The following ALPK2 variants were observed in gnomAD, a reference collection of about 807,000 sequenced individuals.
The protein encoded by ALPK2 is alpha-protein kinase 2.
In ALPK2, 127 loss-of-function variants were observed where a neutral mutation model predicts 163.1. That is an observed-to-expected ratio of 0.78 (90% CI 0.67 to 0.90). The LOEUF (loss-of-function observed/expected upper bound fraction) is 0.90, where lower values mean the gene tolerates loss of function less well. Among genes scored for constraint, ALPK2 ranks in the 40% least tolerant of loss-of-function variants. The probability of loss-of-function intolerance (pLI) is 0.00; values close to 1 mark genes in which losing one functional copy is unlikely to be tolerated. For missense variants in ALPK2, 2,360 were observed against 2,589.6 expected (o/e 0.91, Z 1.92); for synonymous variants, 953 against 959.1 (o/e 0.99, Z 0.12).
Position 58,595,083 on chromosome 18 carries a change from C to T in ALPK2, c.227+12239G>A, listed in dbSNP as rs200964399. On this transcript the variant is annotated intron_variant, in intron 3 of 12. Coordinates refer to ENST00000361673, the MANE Select transcript of ALPK2 (RefSeq NM_052947.4). ...CCATGGCCTACAAGCAATGAGCTGA[C>T]GTGGGAGTCACAGAAGGTGAAGAGA... Among the ~76,000 whole-genome samples the T allele has an allele frequency of 7.9e-5, 12 of 152,284 alleles. No individual in the cohort carries two copies. In the East Asian group the frequency reaches 1.2e-3, roughly 15 times the overall value.
intron 12 of ALPK2, among the ~76,000 whole-genome samples, chr18:58,487,426 G>C (rs2051345250): frequency 6.6e-6 from 1 of 152,148 alleles, no homozygotes; most frequent in Admixed American, 6.5e-5. Context: ...CCAACCCCTT[G>C]ATTTCAGTCT....
At chr18:58,615,492 G>T (rs577317726) in intron 1 of ALPK2, among the ~76,000 whole-genome samples, 1 of 152,190 alleles carries the variant, frequency 6.6e-6, no homozygotes, top group Non-Finnish European at 1.5e-5. Flanking sequence ...AATGATAATA[G>T]TCTAAGGATT....
intron 4 of ALPK2, among the ~76,000 whole-genome samples, chr18:58,540,453 T>C (rs1035418345): frequency 1.3e-5 from 2 of 152,218 alleles, no homozygotes; most frequent in Non-Finnish European, 1.5e-5. Flanking sequence ...AGGGATAAGG[T>C]ATTTTTTTAA....
intron 9 of ALPK2, among the ~76,000 whole-genome samples, chr18:58,516,394 C>A (rs182251428): frequency 6.0e-4 from 91 of 152,286 alleles, no homozygotes; most frequent in South Asian, 1.2e-3. Context: ...TGTCTCTCTT[C>A]CTATATTTTA....
At chr18:58,547,101 CAG>C (rs932697955) in intron 4 of ALPK2, among the ~76,000 whole-genome samples, 10 of 143,154 alleles carry the variant, frequency 7.0e-5, no homozygotes, top group African/African-American at 2.6e-4. Context: ...CCAGGTCTCT[CAG>C]AGTCTTTCTT....
At chr18:58,588,988 G>T (rs1025936146) in intron 3 of ALPK2, among the ~76,000 whole-genome samples, 1 of 152,092 alleles carries the variant, frequency 6.6e-6, no homozygotes, top group African/African-American at 2.4e-5. Context: ...ATATTTTTAG[G>T]ATAACAGTTT....
intron 9 of ALPK2, among the ~76,000 whole-genome samples, chr18:58,515,343 G>T (rs1315937356): frequency 6.6e-6 from 1 of 152,184 alleles, no homozygotes; most frequent in Non-Finnish European, 1.5e-5. Flanking sequence ...AAAATTTCTC[G>T]AGCCGGCAGG....
rs371052854 is a variant in ALPK2 at position 58,536,927 on chromosome 18, A to T, written c.3260T>A (p.Leu1087Gln). ...PSVPGVPHHVLQLPEGEGFCS... is the reference protein window; with the variant it reads ...PSVPGVPHHVQQLPEGEGFCS... ...GAAACCCTCTCCCTCTGGGAGCTGC[A>T]GGACATGGTGTGGGACTCCTGGCAC... The change falls in exon 5 of 13, where the codon CTG becomes CAG. Residue 1087 changes from leucine (L) to glutamine (Q), a missense_variant. Physicochemically the swap from Leu to Gln is moderately radical, Grantham distance 113. Transcript: ENST00000361673. 1 of 1,614,236 alleles carries T rather than the reference A, an allele frequency of 6.2e-7. No homozygotes were observed. The highest frequency in any genetic ancestry group is 2.2e-5 in the East Asian group (1 of 44,886).
intron 12 of ALPK2, among the ~76,000 whole-genome samples, chr18:58,486,156 C>T (rs1193250750): frequency 6.6e-6 from 1 of 152,238 alleles, no homozygotes; most frequent in Non-Finnish European, 1.5e-5. Context: ...TTTCAGGAAT[C>T]TGCCTCCTTC....
At chr18:58,565,193 A>T (rs2144180892) in intron 4 of ALPK2, among the ~76,000 whole-genome samples, 1 of 152,334 alleles carries the variant, frequency 6.6e-6, no homozygotes. Flanking sequence ...ACGTTTCCTT[A>T]GAAATAATTC....
Position 58,561,685 on chromosome 18 carries a change from C to T in ALPK2, c.1962+17129G>A, listed in dbSNP as rs79774792. ...AATCGTGTGATGAATGTCTTAGACT[C>T]ACTCCACAGGAAGCTACGGAGTCTG... On this transcript the variant is annotated intron_variant, in intron 4 of 12. Transcript: ENST00000361673. Among the ~76,000 whole-genome samples, 758 of 152,316 alleles carry T rather than the reference C, an allele frequency of 5.0e-3. 5 individuals carry two copies. Among genetic ancestry groups the T allele is most frequent in the African/African-American group, 0.017 (702 of 41,554 alleles).
At position 58,534,858 on chromosome 18, in the gene ALPK2, G is replaced by T. The variant is rs1183636901; in HGVS notation, c.5329C>A (p.Pro1777Thr). Residue 1777 changes from proline to threonine, a missense_variant, in exon 5 of 13, where the codon CCA becomes ACA. Coordinates refer to ENST00000361673, the MANE Select transcript of ALPK2 (RefSeq NM_052947.4). ...CCTCTTCCTTCTCTTTTGCAAGATG[G>T]CTTTTTTGGGTCTTGTTTCTCTTCT... ...HTEEKQDPKK[P>T]SCKREGRAPV... The T allele has an allele frequency of 1.6e-5, 25 of 1,609,414 alleles. No individual in the cohort carries two copies. The highest frequency in any genetic ancestry group is 2.1e-5 in the Non-Finnish European group (25 of 1,178,446).
chr18:58,597,690 G>A (rs1481039327), intron 3 of ALPK2, among the ~76,000 whole-genome samples: 2 of 152,178 alleles, frequency 1.3e-5, no homozygotes, highest in Non-Finnish European at 2.9e-5. Flanking sequence ...GTCTGGCCCT[G>A]TATATAGCCA....
intron 10 of ALPK2, among the ~76,000 whole-genome samples, chr18:58,508,204 A>G (rs1038871796): frequency 6.6e-5 from 10 of 152,150 alleles, no homozygotes; most frequent in Admixed American, 2.0e-4. Flanking sequence ...AGCCCCCTGC[A>G]TTCTAAACTA....
At chr18:58,532,821 C>T (rs1341548055) in intron 5 of ALPK2, among the ~76,000 whole-genome samples, 1 of 152,114 alleles carries the variant, frequency 6.6e-6, no homozygotes, top group Non-Finnish European at 1.5e-5. Context: ...AAGTGAGGCA[C>T]CCAGAGGCTA....
chr18:58,572,610 C>A (rs559268238), intron 4 of ALPK2, among the ~76,000 whole-genome samples: 20 of 152,068 alleles, frequency 1.3e-4, no homozygotes, highest in Non-Finnish European at 2.8e-4. Flanking sequence ...GAAAAAAAAA[C>A]TCAAAAACTT....
intron 12 of ALPK2, among the ~76,000 whole-genome samples, chr18:58,490,835 A>G (rs1486682764): frequency 6.6e-6 from 1 of 152,192 alleles, no homozygotes; most frequent in Non-Finnish European, 1.5e-5. Flanking sequence ...CCCGAAGAAG[A>G]GAGCTCAGAG....
chr18:58,569,958 G>A (rs1289526383), intron 4 of ALPK2, among the ~76,000 whole-genome samples: 2 of 151,986 alleles, frequency 1.3e-5, no homozygotes, highest in Non-Finnish European at 2.9e-5. Context: ...GTGAAACCCC[G>A]TCTCTACTAA....
intron 4 of ALPK2, among the ~76,000 whole-genome samples, chr18:58,556,489 G>A (rs923028009): frequency 2.6e-5 from 4 of 152,064 alleles, no homozygotes; most frequent in Admixed American, 1.3e-4. Context: ...TGAGCCAGCC[G>A]CTGCAAAGTG....
Sources: gnomAD v4.1 joint callset for allele counts (sites outside exome capture counted in the v4.1 genomes callset) on GRCh38, gnomAD v4.1.1 for gene constraint, MANE v1.5 for transcripts, NCBI Gene and HGNC (gene_info 2026-07-23, HGNC 2026-07-21) for gene names.